Variants in GAS2 observed in about 807,000 individuals in gnomAD.
GAS2 encodes the protein growth arrest specific 2, also known as growth arrest-specific protein 2.
In GAS2, 20 loss-of-function variants were observed where a neutral mutation model predicts 37.5. That is an observed-to-expected ratio of 0.53 (90% confidence interval 0.37 to 0.77). The LOEUF is 0.77. Ranked by LOEUF, GAS2 falls within the 30% of genes least tolerant of loss-of-function variation. The pLI is 0.00. For missense variants in GAS2, 336 were observed against 373.4 expected (o/e 0.90, Z 0.82); for synonymous variants, 144 against 132.2 (o/e 1.09, Z -0.61).
chr11:22,650,262 A>G (rs1379739902), intron 1 of GAS2, among the ~76,000 whole-genome samples: 1 of 149,582 alleles, frequency 6.7e-6, no homozygotes, highest in Non-Finnish European at 1.5e-5. Context: ...TTCTAGTTTG[A>G]TTGCACTGTG....
At chr11:22,796,876 T>C (rs951755083) in intron 7 of GAS2, among the ~76,000 whole-genome samples, 1 of 152,000 alleles carries the variant, frequency 6.6e-6, no homozygotes, top group East Asian at 1.9e-4. Flanking sequence ...GAGGGAATGG[T>C]TTTTCTTTGC....
At chr11:22,719,933 T>C (rs1851869654) in intron 3 of GAS2, among the ~76,000 whole-genome samples, 1 of 152,122 alleles carries the variant, frequency 6.6e-6, no homozygotes, top group South Asian at 2.1e-4. Context: ...TTAGTAGATA[T>C]GTTTTCAACT....
upstream of GAS2, among the ~76,000 whole-genome samples, chr11:22,664,709 C>T (rs544438383): frequency 3.3e-5 from 5 of 152,146 alleles, no homozygotes; most frequent in African/African-American, 1.2e-4. Flanking sequence ...AAAAGATTAT[C>T]TTTGACAAAT....
At chr11:22,661,760 A>G (rs1163362045), upstream of GAS2, among the ~76,000 whole-genome samples, 3 of 152,138 alleles carry the variant, frequency 2.0e-5, no homozygotes, top group African/African-American at 2.4e-5. Flanking sequence ...CAATATATAA[A>G]CATATCTGTT....
intron 5 of GAS2, among the ~76,000 whole-genome samples, chr11:22,745,118 C>CA (rs142582542): frequency 0.17 from 21,466 of 128,914 alleles, 1,809 homozygotes; most frequent in East Asian, 0.21. Flanking sequence ...CATTTGGAAC[C>CA]AAAAAAAAAA....
chr11:22,771,804 C>A (rs950063228), intron 7 of GAS2, among the ~76,000 whole-genome samples: 3 of 152,130 alleles, frequency 2.0e-5, no homozygotes, highest in African/African-American at 7.2e-5. Flanking sequence ...CCTTAACCAT[C>A]ATTTATTCTA....
At position 22,726,386 on chromosome 11, in the gene GAS2, G is replaced by A. The variant is rs1372094047; in HGVS notation, c.362G>A (p.Arg121Gln). Residue 121 changes from arginine to glutamine, a missense_variant, in exon 4 of 8, where the codon CGA becomes CAA. Transcript: ENST00000454584. ...ACAGCAAATTTCTTATCCTGGTGCC[G>A]AGATTTAGGGGTGGATGAAACGTGT... The part of the protein sequence containing the change: ...DNTANFLSWC[R>Q]DLGVDETCLF... The A allele has an allele frequency of 2.5e-6, 4 of 1,612,944 alleles. No individual in the cohort carries two copies. Among genetic ancestry groups the A allele is most frequent in the East Asian group, 2.2e-5 (1 of 44,840 alleles).
At chr11:22,752,145 A>C (rs1359756404) in intron 6 of GAS2, among the ~76,000 whole-genome samples, 1 of 152,034 alleles carries the variant, frequency 6.6e-6, no homozygotes, top group Non-Finnish European at 1.5e-5. Context: ...GAAAAATACA[A>C]CTTACTATAT....
chr11:22,665,512 T>A (rs12295511), upstream of GAS2, among the ~76,000 whole-genome samples: 2,439 of 152,278 alleles, frequency 0.016, 92 homozygotes, highest in African/African-American at 0.055. Flanking sequence ...AGCTGTTATG[T>A]TGACCTTTTA....
At chr11:22,657,512 G>A in intron 1 of GAS2, among the ~76,000 whole-genome samples, 1 of 152,018 alleles carries the variant, frequency 6.6e-6, no homozygotes. Context: ...GGGCTTCATT[G>A]GTTGTTCCTG....
chr11:22,764,937 T>C (rs1319434166), intron 7 of GAS2, among the ~76,000 whole-genome samples: 1 of 152,246 alleles, frequency 6.6e-6, no homozygotes, highest in Non-Finnish European at 1.5e-5. Context: ...GCAATACACA[T>C]GCTACCTTAC....
chr11:22,696,429 A>G (rs1216277917), intron 3 of GAS2, among the ~76,000 whole-genome samples: 2 of 152,062 alleles, frequency 1.3e-5, no homozygotes, highest in Non-Finnish European at 2.9e-5. Context: ...TTATAGCAGC[A>G]TGATTTATAG....
intron 1 of GAS2, among the ~76,000 whole-genome samples, chr11:22,634,495 C>A (rs1428087177): frequency 6.6e-6 from 1 of 152,146 alleles, no homozygotes; most frequent in Non-Finnish European, 1.5e-5. Flanking sequence ...TGTGCCTTTG[C>A]TGAAATAAAC....
intron 7 of GAS2, among the ~76,000 whole-genome samples, chr11:22,782,302 G>C (rs1855589750): frequency 6.6e-6 from 1 of 152,120 alleles, no homozygotes; most frequent in South Asian, 2.1e-4. Flanking sequence ...AGCAGTAGTA[G>C]CATCATTATC....
rs1554913883 is a variant in GAS2, at chr11:22,812,446, T to TC, written c.*430_*431insC. The TC allele has an allele frequency of 6.2e-6, 1 of 162,478 alleles. No individual in the cohort carries two copies. The allele number at this position is 162,478 out of a possible 1,614,324, so 10.1% of individuals were successfully genotyped here. A position where few individuals can be genotyped will look rare whatever the true frequency, so the allele number is the denominator to read the frequency against. On this transcript the variant is annotated 3_prime_UTR_variant, in exon 8 of 8. Coordinates refer to ENST00000454584, the MANE Select transcript of GAS2 (RefSeq NM_001143830.3). ...TTTTATGCTTTTTTTTTTTTTTTTT[T>TC]ACAAAATGATGATTAGTGTGATAAT... is the stretch of plus-strand genomic sequence containing the variant.
intron 3 of GAS2, chr11:22,688,267 T>TGATAAAATCTCTTTTC (rs1232632174): frequency 1.3e-5 from 2 of 152,192 alleles, no homozygotes; most frequent in Non-Finnish European, 2.9e-5. Flanking sequence ...AATCTCTTTT[T>TGATAAAATCTCTTTTC]GATAAAATCT....
chr11:22,812,829 T>C lies in GAS2; in HGVS notation c.*813T>C, dbSNP rs759098764. The C allele has an allele frequency of 3.3e-5, 5 of 152,268 alleles. No individual in the cohort carries two copies. The highest frequency in any genetic ancestry group is 7.4e-5 in the Non-Finnish European group (5 of 68,016). The allele number at this position is 152,268 out of a possible 1,614,324, so 9.4% of individuals were successfully genotyped here. A position where few individuals can be genotyped will look rare whatever the true frequency, so the allele number is the denominator to read the frequency against. On this transcript the variant is annotated 3_prime_UTR_variant, in exon 8 of 8. Transcript: ENST00000454584. ...CATTTTCTTATTAAAAATATATCTT[T>C]AGTTAATCCTATTTTGCTATGCTTT... is the stretch of plus-strand genomic sequence containing the variant.
chr11:22,812,643 C>T lies in GAS2; in HGVS notation c.*627C>T, dbSNP rs1055320. 35,593 of 152,556 alleles carry T rather than the reference C, an allele frequency of 0.23. 5,051 individuals carry two copies. Among genetic ancestry groups the T allele is most frequent in the East Asian group, 0.44 (2,268 of 5,156 alleles). The allele number at this position is 152,556 out of a possible 1,614,324, so 9.5% of individuals were successfully genotyped here. ...GGGGTACTTTTAGAAGTTTTCAGTA[C>T]ACCCCCTTAGAGAATAGCTTATGAG... is the stretch of plus-strand genomic sequence containing the variant. On this transcript the variant is annotated 3_prime_UTR_variant, in exon 8 of 8. Transcript: ENST00000454584.
intron 1 of GAS2, among the ~76,000 whole-genome samples, chr11:22,629,516 G>T (rs1489173256): frequency 6.6e-6 from 1 of 152,172 alleles, no homozygotes; most frequent in Non-Finnish European, 1.5e-5. Flanking sequence ...GGGTAAGGTG[G>T]TATCCCATTG....
Sources: gnomAD v4.1 joint callset for allele counts (sites outside exome capture counted in the v4.1 genomes callset) on GRCh38, gnomAD v4.1.1 for gene constraint, MANE v1.5 for transcripts, NCBI Gene and HGNC (gene_info 2026-07-23, HGNC 2026-07-21) for gene names.